SHANK2: variants seen among roughly 807,000 people sequenced by gnomAD.
SHANK2 encodes SH3 and multiple ankyrin repeat domains protein 2.
In SHANK2, 43 loss-of-function variants were observed where a neutral mutation model predicts 133.7. That is an observed-to-expected ratio of 0.32 (90% confidence interval 0.25 to 0.41). SHANK2 has a LOEUF of 0.41. SHANK2 is among the 10% of genes least tolerant of loss of function. SHANK2 has a pLI of 1.00. For missense variants in SHANK2, 1,994 were observed against 2,235.8 expected, an observed-to-expected ratio of 0.89 and a Z score of 2.18; for synonymous variants, 1,017 against 952.8, an observed-to-expected ratio of 1.07 and a Z score of -1.24.
chr11:70,729,419 C>T (rs555488338), intron 14 of SHANK2, among the ~76,000 whole-genome samples: 33 of 151,932 alleles, frequency 2.2e-4, no homozygotes, highest in South Asian at 1.5e-3. Context: ...TTCATGGGCA[C>T]GGGGCTTCCT....
At chr11:70,657,577 A>AC (rs1259023148) in intron 17 of SHANK2, among the ~76,000 whole-genome samples, 1 of 152,094 alleles carries the variant, frequency 6.6e-6, no homozygotes, top group Non-Finnish European at 1.5e-5. Context: ...TGCACCCCGC[A>AC]CCCTCATTAG....
At chr11:70,755,548 C>T (rs1946849269) in intron 14 of SHANK2, among the ~76,000 whole-genome samples, 3 of 152,260 alleles carry the variant, frequency 2.0e-5, no homozygotes, top group Admixed American at 1.3e-4. Context: ...GGCACGTCCC[C>T]AGCCCCGGCC....
intron 14 of SHANK2, among the ~76,000 whole-genome samples, chr11:70,762,896 G>A (rs868978620): frequency 1.3e-5 from 2 of 152,222 alleles, no homozygotes; most frequent in South Asian, 2.1e-4. Context: ...AATGGAGGCG[G>A]GAGAGATGCT....
chr11:70,908,884 G>A (rs533986976), intron 10 of SHANK2, among the ~76,000 whole-genome samples: 18 of 152,148 alleles, frequency 1.2e-4, no homozygotes, highest in East Asian at 1.9e-4. Flanking sequence ...ATGTTGAAAC[G>A]TCAGCCAGGG....
chr11:71,244,469 C>T (rs1326276577), intron 1 of SHANK2, among the ~76,000 whole-genome samples: 1 of 152,246 alleles, frequency 6.6e-6, no homozygotes, highest in Non-Finnish European at 1.5e-5. Context: ...CGTGCAGCCC[C>T]GGGAACCAGC....
chr11:70,734,243 C>A (rs1351293587), intron 14 of SHANK2, among the ~76,000 whole-genome samples: 1 of 152,138 alleles, frequency 6.6e-6, no homozygotes, highest in African/African-American at 2.4e-5. Flanking sequence ...ACTGGCTATG[C>A]GAGGAGATGT....
At chr11:71,061,971 CTTT>C (rs1216736346) in intron 9 of SHANK2, among the ~76,000 whole-genome samples, 4 of 109,568 alleles carry the variant, frequency 3.7e-5, no homozygotes, top group East Asian at 2.7e-4. Flanking sequence ...GTCTTTCTTT[CTTT>C]TTTTTTTTTT....
chr11:70,784,586 C>T (rs556688387), intron 14 of SHANK2, among the ~76,000 whole-genome samples: 2 of 151,994 alleles, frequency 1.3e-5, no homozygotes, highest in Non-Finnish European at 1.5e-5. Context: ...GGATTACAGG[C>T]GTGAGCAACT....
chr11:70,911,768 C>T (rs1444273056), intron 10 of SHANK2, among the ~76,000 whole-genome samples: 1 of 152,014 alleles, frequency 6.6e-6, no homozygotes, highest in African/African-American at 2.4e-5. Flanking sequence ...CCCAAAATGA[C>T]AAGAGTGAGA....
At chr11:70,581,268 CT>C in intron 17 of SHANK2, among the ~76,000 whole-genome samples, 1 of 152,352 alleles carries the variant, frequency 6.6e-6, no homozygotes, top group Admixed American at 6.5e-5. Context: ...GGAAAGGCCT[CT>C]GCCTTCCTCA....
At chr11:70,605,443 G>A (rs570467542) in intron 17 of SHANK2, among the ~76,000 whole-genome samples, 120 of 152,230 alleles carry the variant, frequency 7.9e-4, no homozygotes, top group Non-Finnish European at 6.3e-4. Context: ...GTTTAGGCTG[G>A]ACACTCCACA....
At chr11:70,779,848 A>C (rs1591837100) in intron 14 of SHANK2, among the ~76,000 whole-genome samples, 1 of 151,368 alleles carries the variant, frequency 6.6e-6, no homozygotes, top group African/African-American at 2.4e-5. Context: ...TCTTCCCTAC[A>C]CCCCTGACCC....
rs377563494 is a variant in SHANK2 at position 70,484,761 on chromosome 11, G to C, written c.4979+553C>G. Among the ~76,000 whole-genome samples, 39 of 152,314 alleles carry C rather than the reference G, an allele frequency of 2.6e-4. No homozygotes were observed. In the South Asian group the frequency reaches 7.9e-3, roughly 31 times the overall value. ...GCCCCTGGGACAGGATGGGCTGGCA[G>C]GGAAGAATGTACTGCACTTAGAGTT... is the stretch of plus-strand genomic sequence containing the variant. On this transcript the variant is annotated intron_variant, in intron 25 of 25. Coordinates refer to ENST00000601538, the MANE Select transcript of SHANK2 (RefSeq NM_012309.5).
At chr11:70,941,275 A>G (rs1268742833) in intron 10 of SHANK2, among the ~76,000 whole-genome samples, 1 of 152,182 alleles carries the variant, frequency 6.6e-6, no homozygotes, top group Non-Finnish European at 1.5e-5. Context: ...AGCTAACTCC[A>G]CACACTGCAC....
chr11:70,556,387 CTT>C lies in SHANK2; in HGVS notation c.2062-53458_2062-53457del, dbSNP rs1161443964. Among the ~76,000 whole-genome samples the C allele has an allele frequency of 6.5e-3, 310 of 47,644 alleles. 1 individual carries two copies. In the Middle Eastern group the frequency reaches 0.11, roughly 17 times the overall value. 31.3% of individuals were successfully genotyped at this position (47,644 alleles called of 152,430 possible). A position where few individuals can be genotyped will look rare whatever the true frequency, so the allele number is the denominator to read the frequency against. On this transcript the variant is annotated intron_variant, in intron 17 of 25. Coordinates refer to ENST00000601538, the MANE Select transcript of SHANK2 (RefSeq NM_012309.5). ...ACATTTATTTTCTCTCTGTCTCTTT[CTT>C]TCTTTCTCTCTCTCTCTCTCTCTCT...
chr11:70,489,313 G>A lies in SHANK2; in HGVS notation c.2572+15C>T, dbSNP rs528910124. On this transcript the variant is annotated intron_variant, in intron 24 of 25. Coordinates refer to ENST00000601538, the MANE Select transcript of SHANK2 (RefSeq NM_012309.5). ...ACATTCAGATTACAGATTCCAAACCGTAAGGTTCACTAACCTGATAGAAAG... is the reference window on the plus strand; with the variant it reads ...ACATTCAGATTACAGATTCCAAACCATAAGGTTCACTAACCTGATAGAAAG... 6 of 1,611,918 alleles carry A rather than the reference G, an allele frequency of 3.7e-6. No homozygotes were observed. Among genetic ancestry groups the A allele is most frequent in the African/African-American group, 2.7e-5 (2 of 75,000 alleles).
At chr11:70,805,695 AT>A (rs1169763686) in intron 13 of SHANK2, among the ~76,000 whole-genome samples, 4 of 152,256 alleles carry the variant, frequency 2.6e-5, no homozygotes, top group African/African-American at 9.6e-5. Flanking sequence ...GAACAAAAAA[AT>A]CTCAACAAGG....
intron 25 of SHANK2, among the ~76,000 whole-genome samples, chr11:70,480,069 G>C (rs2058713537): frequency 6.6e-6 from 1 of 152,162 alleles, no homozygotes; most frequent in African/African-American, 2.4e-5. Context: ...CCAAGACTTT[G>C]CTGAAGCCCT....
At chr11:71,149,260 C>A (rs1158421092) in intron 2 of SHANK2, among the ~76,000 whole-genome samples, 1 of 152,192 alleles carries the variant, frequency 6.6e-6, no homozygotes, top group Non-Finnish European at 1.5e-5. Flanking sequence ...TGCCTCAAAG[C>A]AAGACGTAAA....
Sources: allele counts gnomAD v4.1 joint callset (sites outside exome capture counted in the v4.1 genomes callset), GRCh38; gene constraint gnomAD v4.1.1; transcripts MANE v1.5; gene names NCBI Gene and HGNC (gene_info 2026-07-23, HGNC 2026-07-21).